ARSB: variants seen among roughly 807,000 people sequenced by gnomAD.
The protein encoded by ARSB is N-acetylgalactosamine-4-sulfatase.
ARSB carries 41 observed loss-of-function variants against 50.9 expected under a neutral mutation model. The observed-to-expected ratio is 0.81, with a 90% CI of 0.63 to 1.04. The LOEUF is 1.04. Ranked by LOEUF, ARSB falls within the 50% of genes least tolerant of loss-of-function variation. The pLI is 0.00. For synonymous variants in ARSB, 269 were observed against 284.8 expected (o/e 0.94, Z 0.56); for missense variants, 672 against 693.3 (o/e 0.97, Z 0.35).
At chr5:78,948,315 G>A (rs904959730) in intron 4 of ARSB, among the ~76,000 whole-genome samples, 1 of 152,098 alleles carries the variant, frequency 6.6e-6, no homozygotes, top group South Asian at 2.1e-4. Flanking sequence ...GTAACACAAA[G>A]AAATGATAAA....
intron 4 of ARSB, among the ~76,000 whole-genome samples, chr5:78,948,714 T>C (rs1751362960): frequency 6.6e-6 from 1 of 152,204 alleles, no homozygotes; most frequent in Admixed American, 6.5e-5. Flanking sequence ...ACCCAGTTGG[T>C]TTCCAGCTGT....
At chr5:78,913,282 G>C (rs1052856985) in intron 4 of ARSB, among the ~76,000 whole-genome samples, 2 of 151,942 alleles carry the variant, frequency 1.3e-5, no homozygotes, top group Non-Finnish European at 2.9e-5. Flanking sequence ...CCGCCACCTC[G>C]CCCGGCTAAT....
chr5:78,947,443 T>C (rs1364879072), intron 4 of ARSB, among the ~76,000 whole-genome samples: 3 of 151,878 alleles, frequency 2.0e-5, no homozygotes, highest in South Asian at 4.2e-4. Context: ...GGAAAAAAAA[T>C]CTAATAATCT....
chr5:78,937,345 A>ATGTAAGATATATG (rs1750663951), intron 4 of ARSB, among the ~76,000 whole-genome samples: 1 of 136,588 alleles, frequency 7.3e-6, no homozygotes, highest in Non-Finnish European at 1.6e-5. Context: ...TAAGATATAT[A>ATGTAAGATATATG]TATCATATAT....
chr5:78,807,197 CCTT>C (rs1743599000), intron 6 of ARSB, among the ~76,000 whole-genome samples: 1 of 152,308 alleles, frequency 6.6e-6, no homozygotes, highest in East Asian at 1.9e-4. Context: ...TAGTCTCCCT[CCTT>C]AAGAGTGAGA....
chr5:78,818,772 C>T (rs1194035916), intron 6 of ARSB, among the ~76,000 whole-genome samples: 1 of 152,044 alleles, frequency 6.6e-6, no homozygotes, highest in African/African-American at 2.4e-5. Flanking sequence ...CGCCCGCTAC[C>T]AGAAGGGACA....
At chr5:78,888,359 T>C (rs114496759) in intron 4 of ARSB, among the ~76,000 whole-genome samples, 2,365 of 152,318 alleles carry the variant, frequency 0.016, 35 homozygotes, top group South Asian at 0.052. Flanking sequence ...CAATCACTCA[T>C]AACCAATGTA....
At chr5:78,935,355 C>T (rs1750529294) in intron 4 of ARSB, among the ~76,000 whole-genome samples, 2 of 152,154 alleles carry the variant, frequency 1.3e-5, no homozygotes, top group Non-Finnish European at 2.9e-5. Context: ...TGCTAACCAT[C>T]TTCAGTAGAA....
At chr5:78,978,393 G>A (rs1752756286) in intron 1 of ARSB, among the ~76,000 whole-genome samples, 1 of 150,560 alleles carries the variant, frequency 6.6e-6, no homozygotes, top group Non-Finnish European at 1.5e-5. Flanking sequence ...TTCTTAAATT[G>A]GAAGAGTTAT....
At chr5:78,870,976 A>G (rs1053981416) in intron 5 of ARSB, among the ~76,000 whole-genome samples, 10 of 152,142 alleles carry the variant, frequency 6.6e-5, no homozygotes, top group African/African-American at 2.4e-4. Flanking sequence ...GTCTCAGGAT[A>G]CAAAATCAAT....
At chr5:78,849,983 G>C (rs1026216672) in intron 5 of ARSB, among the ~76,000 whole-genome samples, 5 of 151,556 alleles carry the variant, frequency 3.3e-5, no homozygotes, top group African/African-American at 1.2e-4. Flanking sequence ...GGGTTTTCTA[G>C]ATATACAATC....
intron 6 of ARSB, among the ~76,000 whole-genome samples, chr5:78,785,045 G>T (rs1372830329): frequency 6.6e-6 from 1 of 152,050 alleles, no homozygotes; most frequent in African/African-American, 2.4e-5. Context: ...TGATCCGCCC[G>T]CCTTGGCCTC....
intron 1 of ARSB, among the ~76,000 whole-genome samples, chr5:78,976,636 G>C (rs73130131): frequency 0.012 from 1,893 of 152,292 alleles, 38 homozygotes; most frequent in African/African-American, 0.044. Flanking sequence ...GAAAAAGAGA[G>C]AATATGTACA....
chr5:78,951,524 A>C (rs1446436297), intron 4 of ARSB, among the ~76,000 whole-genome samples: 3 of 152,210 alleles, frequency 2.0e-5, no homozygotes, highest in Admixed American at 1.3e-4. Context: ...AAAAATGAAA[A>C]GGATGAGAGA....
At chr5:78,824,667 C>T (rs1581006477) in intron 6 of ARSB, among the ~76,000 whole-genome samples, 1 of 152,230 alleles carries the variant, frequency 6.6e-6, no homozygotes, top group East Asian at 1.9e-4. Context: ...TCACAGCCTG[C>T]TGTTTTCTTC....
At chr5:78,871,778 A>G (rs1747196745) in intron 5 of ARSB, among the ~76,000 whole-genome samples, 1 of 136,568 alleles carries the variant, frequency 7.3e-6, no homozygotes, top group African/African-American at 2.6e-5. Flanking sequence ...TGTCCAAAAC[A>G]CCAAAAGCAA....
intron 6 of ARSB, among the ~76,000 whole-genome samples, chr5:78,794,992 C>T (rs76849569): frequency 1.2e-4 from 19 of 152,260 alleles, no homozygotes; most frequent in Non-Finnish European, 2.5e-4. Context: ...TTTACTTAGC[C>T]TCTGTTTTCT....
At chr5:78,870,843 G>T (rs1477996544) in intron 5 of ARSB, among the ~76,000 whole-genome samples, 1 of 151,866 alleles carries the variant, frequency 6.6e-6, no homozygotes, top group Non-Finnish European at 1.5e-5. Flanking sequence ...GGAAATAAAG[G>T]GTATTCAATT....
chr5:78,855,750 G>A (rs1187465697), intron 5 of ARSB, among the ~76,000 whole-genome samples: 2 of 152,184 alleles, frequency 1.3e-5, no homozygotes, highest in African/African-American at 2.4e-5. Context: ...GCTCAGGTCT[G>A]TAGGTATCCA....
Sources: gnomAD v4.1 joint callset for allele counts (sites outside exome capture counted in the v4.1 genomes callset) on GRCh38, gnomAD v4.1.1 for gene constraint, MANE v1.5 for transcripts, NCBI Gene and HGNC (gene_info 2026-07-23, HGNC 2026-07-21) for gene names.